Variants in TMCC3 observed in about 807,000 individuals in gnomAD.
The protein encoded by TMCC3 is transmembrane and coiled-coil domain family 3.
In TMCC3, 28 loss-of-function variants were observed where a neutral mutation model predicts 40.2. That is an observed-to-expected ratio of 0.70 (90% CI 0.52 to 0.95). TMCC3 has a LOEUF of 0.95. Ranked by LOEUF, TMCC3 falls within the 40% of genes least tolerant of loss-of-function variation. The pLI is 0.00. For missense variants in TMCC3, 554 were observed against 615.2 expected, an observed-to-expected ratio of 0.90 and a Z score of 1.05; for synonymous variants, 255 against 248.5, an observed-to-expected ratio of 1.03 and a Z score of -0.25.
rs1183420863 is a variant in TMCC3, at chr12:94,578,146, CA to C, written c.1131+247del. 4.3e-3 allele frequency among the ~76,000 whole-genome samples: 151 copies of C among 34,866 alleles called. 1 individual carries two copies. Among genetic ancestry groups the C allele is most frequent in the African/African-American group, 0.014 (117 of 8,180 alleles). The allele number at this position is 34,866 out of a possible 152,430, so 22.9% of individuals were successfully genotyped here. ...CTGGGCCACAGAGCGAGACTCACCT[CA>C]AAAAAAAAAAAAAAAAAAAAAGAAA... On this transcript the variant is annotated intron_variant, in intron 3 of 3. Coordinates refer to ENST00000261226, the MANE Select transcript of TMCC3 (RefSeq NM_020698.4).
intron 3 of TMCC3, among the ~76,000 whole-genome samples, chr12:94,576,777 C>T (rs1290719289): frequency 6.6e-6 from 1 of 152,164 alleles, no homozygotes; most frequent in Non-Finnish European, 1.5e-5. Context: ...GCCACCAGCC[C>T]TGGGCAATTT....
chr12:94,593,608 A>G (rs1183925607), intron 1 of TMCC3, among the ~76,000 whole-genome samples: 1 of 151,730 alleles, frequency 6.6e-6, no homozygotes, highest in African/African-American at 2.4e-5. Context: ...TTAATAGTGT[A>G]AAGGAGATTA....
In TMCC3 at chr12:94,627,855, C is replaced by T. The variant is rs111243937; in HGVS notation, c.78+22498G>A. 9.8e-5 allele frequency among the ~76,000 whole-genome samples: 15 copies of T among 152,334 alleles called. 1 individual carries two copies. The highest frequency in any genetic ancestry group is 3.6e-4 in the African/African-American group (15 of 41,570). On this transcript the variant is annotated intron_variant, in intron 1 of 3. Transcript: ENST00000261226. The stretch of plus-strand genomic sequence containing the variant: ...CTATATATTTTATGTATAGGTCTGG[C>T]TTGTCTGCCTTGCCCTACCAGAATA...
chr12:94,573,264 C>A (rs966099447), intron 3 of TMCC3, among the ~76,000 whole-genome samples: 1 of 151,508 alleles, frequency 6.6e-6, no homozygotes, highest in Admixed American at 6.6e-5. Context: ...CAGTTTCTAG[C>A]TCAATTGGTC....
At chr12:94,634,339 C>A (rs1383571761) in intron 1 of TMCC3, among the ~76,000 whole-genome samples, 1 of 151,768 alleles carries the variant, frequency 6.6e-6, no homozygotes, top group Non-Finnish European at 1.5e-5. Flanking sequence ...TGGGAAGGAT[C>A]AACATTTAAT....
intron 1 of TMCC3, among the ~76,000 whole-genome samples, chr12:94,602,705 A>T (rs2138851508): frequency 6.6e-6 from 1 of 152,128 alleles, no homozygotes; most frequent in East Asian, 1.9e-4. Flanking sequence ...GATCTTCCTC[A>T]GCATCCCAAG....
Position 94,591,033 on chromosome 12 carries a change from C to T in TMCC3, c.79-8495G>A, listed in dbSNP as rs1248882530. 49 of 544,538 alleles carry T rather than the reference C, an allele frequency of 9.0e-5. 1 individual carries two copies. Among genetic ancestry groups the T allele is most frequent in the South Asian group, 5.1e-4 (36 of 70,328 alleles). 33.7% of individuals were successfully genotyped at this position (544,538 alleles called of 1,614,324 possible). A position where few individuals can be genotyped will look rare whatever the true frequency, so the allele number is the denominator to read the frequency against. ...CTATAGAAATTGATGAAGAAACATA[C>T]GAAGAGATATATAAATCAAGGAAAC... is the stretch of plus-strand genomic sequence containing the variant. On this transcript the variant is annotated intron_variant, in intron 1 of 3. Transcript: ENST00000261226.
At chr12:94,601,082 A>G (rs1265524987) in intron 1 of TMCC3, among the ~76,000 whole-genome samples, 1 of 152,242 alleles carries the variant, frequency 6.6e-6, no homozygotes, top group Non-Finnish European at 1.5e-5. Context: ...TTTGTAAAAT[A>G]CTACTTATCT....
chr12:94,606,695 T>C (rs1437425305), intron 1 of TMCC3, among the ~76,000 whole-genome samples: 1 of 152,066 alleles, frequency 6.6e-6, no homozygotes, highest in Admixed American at 6.6e-5. Context: ...CACATATTGG[T>C]AGGACCGTGA....
chr12:94,608,835 A>G (rs1253426140), intron 1 of TMCC3, among the ~76,000 whole-genome samples: 1 of 152,072 alleles, frequency 6.6e-6, no homozygotes, highest in African/African-American at 2.4e-5. Context: ...CACCTCCACC[A>G]TCTACTCTGC....
chr12:94,619,252 T>G (rs543129334), intron 1 of TMCC3, among the ~76,000 whole-genome samples: 1 of 152,294 alleles, frequency 6.6e-6, no homozygotes, highest in Non-Finnish European at 1.5e-5. Flanking sequence ...GCAGGTCACA[T>G]CCAGGAAATG....
intron 1 of TMCC3, among the ~76,000 whole-genome samples, chr12:94,589,074 C>T (rs757562741): frequency 1.3e-5 from 2 of 152,046 alleles, no homozygotes; most frequent in Non-Finnish European, 2.9e-5. Context: ...CCGCCCACAT[C>T]GGCCCCCCAA....
chr12:94,590,842 C>T (rs1011247047), intron 1 of TMCC3: 2 of 530,622 alleles, frequency 3.8e-6, no homozygotes, highest in African/African-American at 3.9e-5. Flanking sequence ...TGTGCACCCG[C>T]AACAAACTAC....
Position 94,570,952 on chromosome 12 carries a change from T to G in TMCC3, c.*483A>C, listed in dbSNP as rs1594260857. On this transcript the variant is annotated 3_prime_UTR_variant, in exon 4 of 4. Coordinates refer to ENST00000261226, the MANE Select transcript of TMCC3 (RefSeq NM_020698.4). The stretch of plus-strand genomic sequence containing the variant: ...TATGGTCCCCTGGAGAGAAGCAGGG[T>G]GGATCACACGGGGACCATAGGCCAC... 6.0e-6 allele frequency: 1 copy of G among 165,406 alleles called. No homozygotes were observed. The highest frequency in any genetic ancestry group is 1.7e-4 in the East Asian group (1 of 6,018). The allele number at this position is 165,406 out of a possible 1,614,324, so 10.2% of individuals were successfully genotyped here.
chr12:94,615,417 A>G (rs765336365), intron 1 of TMCC3, among the ~76,000 whole-genome samples: 1 of 152,166 alleles, frequency 6.6e-6, no homozygotes, highest in African/African-American at 2.4e-5. Context: ...TTCTTCCCCA[A>G]CGTGGGCTGG....
intron 1 of TMCC3, among the ~76,000 whole-genome samples, chr12:94,586,227 T>C (rs971040543): frequency 2.0e-4 from 30 of 152,240 alleles, no homozygotes; most frequent in Middle Eastern, 3.2e-3. Context: ...AAGCATAATT[T>C]ATACTCAGAA....
intron 1 of TMCC3, among the ~76,000 whole-genome samples, chr12:94,603,630 C>A (rs770414055): frequency 6.6e-6 from 1 of 152,230 alleles, no homozygotes; most frequent in African/African-American, 2.4e-5. Flanking sequence ...AGTAGGGGTA[C>A]GGAGAATGAT....
At chr12:94,641,216 G>T (rs2068988834) in intron 1 of TMCC3, among the ~76,000 whole-genome samples, 1 of 150,916 alleles carries the variant, frequency 6.6e-6, no homozygotes, top group African/African-American at 2.4e-5. Flanking sequence ...AAAAAGAAAA[G>T]AAAAGAAATA....
chr12:94,593,980 A>G (rs2068699319), intron 1 of TMCC3, among the ~76,000 whole-genome samples: 1 of 152,066 alleles, frequency 6.6e-6, no homozygotes, highest in African/African-American at 2.4e-5. Flanking sequence ...ATGAGCACCA[A>G]TTGCAAGGCA....
Sources: allele counts gnomAD v4.1 joint callset (sites outside exome capture counted in the v4.1 genomes callset), GRCh38; gene constraint gnomAD v4.1.1; transcripts MANE v1.5; gene names NCBI Gene and HGNC (gene_info 2026-07-23, HGNC 2026-07-21).